The following STAB2 variants were observed in gnomAD, a reference collection of about 807,000 sequenced individuals.
STAB2 encodes the protein stabilin 2.
STAB2 carries 288 observed loss-of-function variants against 338.1 expected under a neutral mutation model. That is an observed-to-expected ratio of 0.85 (90% CI 0.77 to 0.94). STAB2 has a LOEUF of 0.94. Ranked by LOEUF, STAB2 falls within the 40% of genes least tolerant of loss-of-function variation. The probability of loss-of-function intolerance (pLI) is 0.00; values close to 1 mark genes in which losing one functional copy is unlikely to be tolerated. For synonymous variants in STAB2, 1,202 were observed against 1,193.3 expected (o/e 1.01, Z -0.15); for missense variants, 3,141 against 3,210.1 (o/e 0.98, Z 0.52).
At chr12:103,610,052 G>A (rs1957097288) in intron 3 of STAB2, among the ~76,000 whole-genome samples, 1 of 152,138 alleles carries the variant, frequency 6.6e-6, no homozygotes, top group Non-Finnish European at 1.5e-5. Context: ...TGATAATGCT[G>A]GGTAAGCTTT....
chr12:103,743,678 A>G (rs1373335427), intron 56 of STAB2, among the ~76,000 whole-genome samples: 1 of 152,178 alleles, frequency 6.6e-6, no homozygotes, highest in Non-Finnish European at 1.5e-5. Context: ...GAGGAAGCAA[A>G]TGTTTAATTA....
chr12:103,662,837 T>A lies in STAB2; in HGVS notation c.1870-9T>A. 6.2e-7 allele frequency: 1 copy of A among 1,614,018 alleles called. No individual in the cohort carries two copies. The highest frequency in any genetic ancestry group is 8.5e-7 in the Non-Finnish European group (1 of 1,179,982). On this transcript the variant is annotated splice_polypyrimidine_tract_variant and intron_variant, in intron 17 of 68. Transcript: ENST00000388887. ...GTACAGAATTAGAGATGTCATTTTT[T>A]CTTTCCAGGGACAGATTCTGGCAAA...
chr12:103,588,504 A>C (rs1956747605), intron 1 of STAB2, among the ~76,000 whole-genome samples: 1 of 152,180 alleles, frequency 6.6e-6, no homozygotes. Context: ...CATCTTCTTA[A>C]TCACCATCAT....
chr12:103,613,313 C>T (rs919245970), intron 3 of STAB2, among the ~76,000 whole-genome samples: 4 of 152,188 alleles, frequency 2.6e-5, no homozygotes, highest in African/African-American at 9.6e-5. Context: ...GGCAGGCCTC[C>T]TTGAGCTGCA....
chr12:103,669,752 A>G (rs1875558860), intron 21 of STAB2, 125 bp downstream of exon 21: 1 of 782,922 alleles, frequency 1.3e-6, no homozygotes, highest in South Asian at 1.7e-5. Flanking sequence ...CCCTTACTAA[A>G]AGAACAGCAG....
At chr12:103,755,097 AAG>A in intron 61 of STAB2, 1 of 611,748 alleles carries the variant, frequency 1.6e-6, no homozygotes, top group Non-Finnish European at 2.8e-6. Context: ...ACCTACAAGA[AAG>A]AGAGGACACT....
In STAB2 at chr12:103,668,676, A is replaced by G; in HGVS notation, c.2119A>G (p.Arg707Gly). 1 of 1,551,284 alleles carries G rather than the reference A, an allele frequency of 6.4e-7. No individual in the cohort carries two copies. The highest frequency in any genetic ancestry group is 8.7e-7 in the Non-Finnish European group (1 of 1,146,914). Residue 707 changes from arginine to glycine, a missense_variant, in exon 20 of 69, where the codon AGG (arginine) becomes GGG (glycine). By Grantham distance (125) the Arg-to-Gly change is moderately radical. Coordinates refer to ENST00000388887, the MANE Select transcript of STAB2 (RefSeq NM_017564.10). The stretch of plus-strand genomic sequence containing the variant: ...CACACACAGATGTGTCTACAGTGGC[A>G]GGTTTGGGAGCCTGAAGAGCGGCTG... Reference protein sequence around the residue: ...LFTHRCVYSGRFGSLKSGCAR... With the variant: ...LFTHRCVYSGGFGSLKSGCAR...
In STAB2 at chr12:103,676,002, C is replaced by T. The variant is rs769571472; in HGVS notation, c.2627C>T (p.Pro876Leu). The change falls in exon 24 of 69, where the codon CCA (proline) becomes CTA (leucine). Residue 876 changes from proline to leucine, a missense_variant. Transcript: ENST00000388887. Reference protein sequence around the residue: ...SEMDPCTGLTPGGCSRNAECI... With the variant: ...SEMDPCTGLTLGGCSRNAECI... ...ATGGACCCTTGCACAGGACTAACTC[C>T]AGGAGGCTGTAGCCGCAATGTGAGT... The T allele has an allele frequency of 3.6e-5, 58 of 1,611,044 alleles. No individual in the cohort carries two copies. The South Asian group carries it at 3.9e-4, about 11-fold the overall frequency.
chr12:103,611,264 A>C (rs1006479661), intron 3 of STAB2, among the ~76,000 whole-genome samples: 2 of 152,128 alleles, frequency 1.3e-5, no homozygotes, highest in Non-Finnish European at 1.5e-5. Context: ...TGTCTCGTTG[A>C]TCTGTCTAAT....
chr12:103,702,443 C>G (rs1446714889), intron 34 of STAB2, among the ~76,000 whole-genome samples: 1 of 152,166 alleles, frequency 6.6e-6, no homozygotes, highest in African/African-American at 2.4e-5. Flanking sequence ...GGACTACAGG[C>G]GCCCGCCACC....
At chr12:103,728,178 G>T (rs1881359357) in intron 47 of STAB2, among the ~76,000 whole-genome samples, 1 of 152,178 alleles carries the variant, frequency 6.6e-6, no homozygotes, top group Admixed American at 6.5e-5. Flanking sequence ...TTGAGACAGG[G>T]TCTTGCTCTG....
At chr12:103,742,362 G>T in intron 55 of STAB2, 43 bp from the exon 56 acceptor site, 1 of 1,607,072 alleles carries the variant, frequency 6.2e-7, no homozygotes, top group Non-Finnish European at 8.5e-7. Context: ...AGCTGCTCTG[G>T]CTTTGGGAGA....
At chr12:103,708,662 T>A (rs920622191) in intron 39 of STAB2, 126 bp downstream of exon 39, 1 of 875,574 alleles carries the variant, frequency 1.1e-6, no homozygotes, top group Admixed American at 2.9e-5. Context: ...TGATTCTTTC[T>A]TGCAGCAAAA....
At chr12:103,610,277 C>T (rs189976143) in intron 3 of STAB2, among the ~76,000 whole-genome samples, 85 of 152,282 alleles carry the variant, frequency 5.6e-4, no homozygotes, top group African/African-American at 1.9e-3. Context: ...AACTCCTCCT[C>T]GTACCTCTGG....
chr12:103,638,246 G>A (rs762657267), intron 8 of STAB2, 34 bp downstream of exon 8: 7 of 1,558,832 alleles, frequency 4.5e-6, no homozygotes, highest in South Asian at 2.4e-5. Flanking sequence ...GATGTATCTA[G>A]AAGTTTGACA....
intron 39 of STAB2, among the ~76,000 whole-genome samples, chr12:103,709,400 G>A (rs867016114): frequency 5.3e-5 from 8 of 152,324 alleles, no homozygotes; most frequent in Middle Eastern, 6.8e-3. Flanking sequence ...GCAACAGGAA[G>A]CCATTAAAGA....
rs908748283 is a variant in STAB2, at chr12:103,766,305, T to C, written c.7625T>C (p.Leu2542Pro). The C allele has an allele frequency of 1.9e-5, 30 of 1,613,948 alleles. No individual in the cohort carries two copies. The highest frequency in any genetic ancestry group is 2.5e-5 in the Non-Finnish European group (29 of 1,179,968). Residue 2542 changes from leucine (L) to proline (P), a missense_variant, in exon 69 of 69, where the codon CTT becomes CCT. Physicochemically the swap from Leu to Pro is moderately conservative, Grantham distance 98. Coordinates refer to ENST00000388887, the MANE Select transcript of STAB2 (RefSeq NM_017564.10). ...DPFTDSEERQ[L>P]EGNDPLRTL Reference sequence around the variant, plus strand: ...TTCCAGGACTCTGAAGAACGGCAGCTTGAGGGCAATGACCCCTTGAGGACA... The same window carrying C: ...TTCCAGGACTCTGAAGAACGGCAGCCTGAGGGCAATGACCCCTTGAGGACA...
At chr12:103,709,525 T>A (rs977170691) in intron 39 of STAB2, among the ~76,000 whole-genome samples, 2 of 152,130 alleles carry the variant, frequency 1.3e-5, no homozygotes, top group African/African-American at 4.8e-5. Context: ...CTCTTCCGGG[T>A]TGGGAGCTGG....
At chr12:103,591,093 A>T in intron 2 of STAB2, 63 bp downstream of exon 2, 1 of 1,601,576 alleles carries the variant, frequency 6.2e-7, no homozygotes, top group Non-Finnish European at 8.5e-7. Context: ...CTGTCTCAAA[A>T]ACTGCAAAGC....
Sources: allele counts gnomAD v4.1 joint callset (sites outside exome capture counted in the v4.1 genomes callset), GRCh38; gene constraint gnomAD v4.1.1; transcripts MANE v1.5; gene names NCBI Gene and HGNC (gene_info 2026-07-23, HGNC 2026-07-21).